ADGRA2: variants seen among roughly 807,000 people sequenced by gnomAD.
ADGRA2 encodes the protein G-protein coupled receptor 124.
A neutral mutation model predicts 98.7 loss-of-function variants in ADGRA2; 61 were observed. The ratio of observed to expected loss-of-function variants is 0.62; its 90% CI spans 0.50 to 0.76. The LOEUF is 0.76. ADGRA2 is among the 30% of genes least tolerant of loss of function. The pLI is 0.00. For synonymous variants in ADGRA2, 858 were observed against 831.5 expected (o/e 1.03, Z -0.55); for missense variants, 1,712 against 1,860.0 (o/e 0.92, Z 1.46).
rs1291648226 is a variant in ADGRA2 at position 37,844,486 on chromosome 8, T to G, written c.*2131T>G. The G allele has an allele frequency of 7.4e-6, 12 of 1,611,228 alleles. No homozygotes were observed. Among genetic ancestry groups the G allele is most frequent in the Non-Finnish European group, 9.3e-6 (11 of 1,178,840 alleles). On this transcript the variant is annotated 3_prime_UTR_variant, in exon 19 of 19. Coordinates refer to ENST00000412232, the MANE Select transcript of ADGRA2 (RefSeq NM_032777.10). ...CAGGATGAAGTGCTCCCAGTGGATA[T>G]CCATCAGGGAGGGTTAGGGACACTC...
In ADGRA2 at chr8:37,844,362, G is replaced by C; in HGVS notation, c.*2007G>C. The stretch of plus-strand genomic sequence containing the variant: ...AGGACCCAGGGTCCAACTAATGGCA[G>C]AGCCCCTCTTGGTTCCTTCAAACAA... On this transcript the variant is annotated 3_prime_UTR_variant, in exon 19 of 19. Transcript: ENST00000412232. 7.9e-7 allele frequency: 1 copy of C among 1,265,990 alleles called. No homozygotes were observed. The highest frequency in any genetic ancestry group is 1.1e-6 in the Non-Finnish European group (1 of 906,736). 78.4% of individuals were successfully genotyped at this position (1,265,990 alleles called of 1,614,324 possible).
chr8:37,840,882 C>T, intron 18 of ADGRA2, 33 bp downstream of exon 18: 1 of 1,213,174 alleles, frequency 8.2e-7, no homozygotes, highest in East Asian at 2.4e-5. Flanking sequence ...CCAAGCCTAC[C>T]TACCTAACAC....
At chr8:37,832,976 C>A (rs766775608) in intron 8 of ADGRA2, 34 bp from the exon 9 acceptor site, 2 of 1,547,284 alleles carry the variant, frequency 1.3e-6, no homozygotes, top group South Asian at 1.1e-5. Flanking sequence ...CTGAGAAGCC[C>A]GGTTCATCGG....
rs1805763562 is a variant in ADGRA2 at position 37,840,747 on chromosome 8, T to C, written c.2658-13T>C. On this transcript the variant is annotated splice_polypyrimidine_tract_variant and intron_variant, in intron 17 of 18. Coordinates refer to ENST00000412232, the MANE Select transcript of ADGRA2 (RefSeq NM_032777.10). ...CCCCATCTCTGGGACCCCCAATCCC[T>C]CATTCCCTCCAGGTTCTATTTGATC... is the stretch of plus-strand genomic sequence containing the variant. 1 of 1,480,204 alleles carries C rather than the reference T, an allele frequency of 6.8e-7. No individual in the cohort carries two copies. The allele number at this position is 1,480,204 out of a possible 1,614,324, so 91.7% of individuals were successfully genotyped here.
chr8:37,836,037 CAACACACACA>C (rs1450058231), intron 13 of ADGRA2, among the ~76,000 whole-genome samples: 2 of 102,456 alleles, frequency 2.0e-5, no homozygotes, highest in East Asian at 6.3e-4. Flanking sequence ...TAGCCCCCTC[CAACACACACA>C]CACACACACA....
In ADGRA2 at chr8:37,835,646, C is replaced by A. The variant is rs1805588070; in HGVS notation, c.1926C>A (p.Thr642=). The part of the protein sequence containing the change: ...ALAPPVPPDC[T]LQLLVFRNGR... ...CTCCCCCGGTGCCCCCAGACTGCAC[C>A]CTGCAACTGCTCGTCTTCCGAAATG... is the stretch of plus-strand genomic sequence containing the variant. The change falls in exon 13 of 19, where the codon ACC becomes ACA. Residue 642 remains threonine, a synonymous_variant. Transcript: ENST00000412232. 6.2e-7 allele frequency: 1 copy of A among 1,613,526 alleles called. No homozygotes were observed. Among genetic ancestry groups the A allele is most frequent in the African/African-American group, 1.3e-5 (1 of 74,908 alleles).
Position 37,841,354 on chromosome 8 carries a change from C to T in ADGRA2, c.3016C>T (p.Pro1006Ser), listed in dbSNP as rs1323342163. Residue 1006 changes from proline to serine, a missense_variant, in exon 19 of 19, where the codon CCG becomes TCG. Transcript: ENST00000412232. This position sits in a 1 kb window ranked among gnomAD's most constrained non-coding sequence, Gnocchi z 5.0. ...GSARVGTPGP[P>S]EDGDSLYSPG... ...CGCGCGAGTGGGGACGCCCGGGCCC[C>T]CGGAGGATGGTGACAGCCTCTATTC... 1.2e-6 allele frequency: 2 copies of T among 1,606,860 alleles called. No individual in the cohort carries two copies. The highest frequency in any genetic ancestry group is 1.7e-5 in the Admixed American group (1 of 58,756).
At chr8:37,821,614 G>A (rs1056238858) in intron 2 of ADGRA2, among the ~76,000 whole-genome samples, 1 of 152,222 alleles carries the variant, frequency 6.6e-6, no homozygotes, top group Admixed American at 6.5e-5. Flanking sequence ...GGCCAGGGCA[G>A]ACAGCCCCAA....
intron 5 of ADGRA2, 122 bp from the exon 6 acceptor site, chr8:37,829,729 G>A (rs981638505): frequency 9.4e-7 from 1 of 1,065,570 alleles, no homozygotes; most frequent in South Asian, 1.4e-5. Context: ...CAGAGATGGT[G>A]CACATAGACC....
intron 2 of ADGRA2, among the ~76,000 whole-genome samples, chr8:37,825,088 AATGGGT>A (rs1273738944): frequency 2.0e-5 from 3 of 152,098 alleles, no homozygotes; most frequent in African/African-American, 7.2e-5. Context: ...GTCAAGGGGC[AATGGGT>A]AGCAGGGAGG....
At position 37,844,404 on chromosome 8, in the gene ADGRA2, G is replaced by A. The variant is rs905283150; in HGVS notation, c.*2049G>A. The A allele has an allele frequency of 2.4e-5, 37 of 1,523,090 alleles. No individual in the cohort carries two copies. Among genetic ancestry groups the A allele is most frequent in the Admixed American group, 2.1e-4 (11 of 53,606 alleles). The allele number at this position is 1,523,090 out of a possible 1,614,324, so 94.3% of individuals were successfully genotyped here. A position where few individuals can be genotyped will look rare whatever the true frequency, so the allele number is the denominator to read the frequency against. On this transcript the variant is annotated 3_prime_UTR_variant, in exon 19 of 19. Transcript: ENST00000412232. ...TTCAAACAAGAAAAGCAATACCTAC[G>A]GACTGGTGTACACTTCCATCCTTGG...
chr8:37,807,737 C>T (rs915341087), intron 1 of ADGRA2, among the ~76,000 whole-genome samples: 3 of 152,134 alleles, frequency 2.0e-5, no homozygotes. Context: ...GACAGGGCCT[C>T]CCAGACTCTG....
Position 37,841,026 on chromosome 8 carries a change from C to A in ADGRA2, c.2748-60C>A. ...TATCCTGTCTCCCCAACCACCCCGGCCCCCAGCCCCACCCCAGCCATGCCC... is the reference window on the plus strand; with the variant it reads ...TATCCTGTCTCCCCAACCACCCCGGACCCCAGCCCCACCCCAGCCATGCCC... On this transcript the variant is annotated intron_variant, in intron 18 of 18. Coordinates refer to ENST00000412232, the MANE Select transcript of ADGRA2 (RefSeq NM_032777.10). The surrounding 1 kb of genome is among the most constrained non-coding windows in gnomAD (Gnocchi z 5.0). The A allele has an allele frequency of 2.2e-6, 3 of 1,364,088 alleles. No homozygotes were observed. Among genetic ancestry groups the A allele is most frequent in the East Asian group, 2.3e-5 (1 of 43,432 alleles). The allele number at this position is 1,364,088 out of a possible 1,614,324, so 84.5% of individuals were successfully genotyped here.
Position 37,797,260 on chromosome 8 carries a change from G to A in ADGRA2, c.-9G>A, listed in dbSNP as rs1804354813. On this transcript the variant is annotated 5_prime_UTR_variant, in exon 1 of 19. Coordinates refer to ENST00000412232, the MANE Select transcript of ADGRA2 (RefSeq NM_032777.10). The surrounding 1 kb of genome is among the most constrained non-coding windows in gnomAD (Gnocchi z 5.3). Reference sequence around the variant, plus strand: ...CCAGCGCTGTGGGTCCCCGCGGGGCGATGGGTTGATGGGCGCCGGGGGACG... The same window carrying A: ...CCAGCGCTGTGGGTCCCCGCGGGGCAATGGGTTGATGGGCGCCGGGGGACG... The A allele has an allele frequency of 3.2e-6, 4 of 1,255,074 alleles. No individual in the cohort carries two copies. The highest frequency in any genetic ancestry group is 4.0e-6 in the Non-Finnish European group (4 of 1,003,810). The allele number at this position is 1,255,074 out of a possible 1,614,324, so 77.7% of individuals were successfully genotyped here. A position where few individuals can be genotyped will look rare whatever the true frequency, so the allele number is the denominator to read the frequency against.
intron 8 of ADGRA2, 26 bp from the exon 9 acceptor site, chr8:37,832,984 C>T (rs748322648): frequency 1.4e-5 from 22 of 1,585,500 alleles, no homozygotes; most frequent in Admixed American, 1.3e-4. Flanking sequence ...CCCGGTTCAT[C>T]GGCAACTTCC....
intron 17 of ADGRA2, 34 bp downstream of exon 17, chr8:37,840,300 G>A (rs774970173): frequency 1.9e-6 from 3 of 1,606,220 alleles, no homozygotes; most frequent in Non-Finnish European, 2.5e-6. Flanking sequence ...TGCAATTGGG[G>A]AGGGACTCCA....
chr8:37,810,983 G>A (rs1354892743), intron 1 of ADGRA2, among the ~76,000 whole-genome samples: 5 of 151,574 alleles, frequency 3.3e-5, no homozygotes, highest in East Asian at 2.0e-4. Context: ...TTAGGGTGGC[G>A]GGTGCCTGTA....
rs1389187744 is a variant in ADGRA2, at chr8:37,797,633, C to G, written c.266+99C>G. The G allele has an allele frequency of 3.6e-6, 4 of 1,112,676 alleles. No individual in the cohort carries two copies. Among genetic ancestry groups the G allele is most frequent in the African/African-American group, 1.6e-5 (1 of 61,664 alleles). 68.9% of individuals were successfully genotyped at this position (1,112,676 alleles called of 1,614,324 possible). On this transcript the variant is annotated intron_variant, in intron 1 of 18. Coordinates refer to ENST00000412232, the MANE Select transcript of ADGRA2 (RefSeq NM_032777.10). This position sits in a 1 kb window ranked among gnomAD's most constrained non-coding sequence, Gnocchi z 5.3. ...AGCAGGGGGAAGGGGGCTATCCCCC[C>G]ACTTCAGAGATTTCTGGACAGGCCT...
rs1805419158 is a variant in ADGRA2 at position 37,830,462 on chromosome 8, T to C, written c.719-248T>C. On this transcript the variant is annotated intron_variant, in intron 6 of 18. Coordinates refer to ENST00000412232, the MANE Select transcript of ADGRA2 (RefSeq NM_032777.10). The surrounding 1 kb of genome is among the most constrained non-coding windows in gnomAD (Gnocchi z 4.8). ...GGGACTGCTTGTTTATGTTTTCATC[T>C]GGCCCCACCTCTTGGGGTAACACGT... Among the ~76,000 whole-genome samples the C allele has an allele frequency of 2.6e-5, 4 of 152,338 alleles. No individual in the cohort carries two copies. Among genetic ancestry groups the C allele is most frequent in the Admixed American group, 2.6e-4 (4 of 15,304 alleles).
Sources: gnomAD v4.1 joint callset for allele counts (sites outside exome capture counted in the v4.1 genomes callset) on GRCh38, gnomAD v4.1.1 for gene constraint, Gnocchi (gnomAD v3.1) non-coding constraint, MANE v1.5 for transcripts, NCBI Gene and HGNC (gene_info 2026-07-23, HGNC 2026-07-21) for gene names.